The following APBA2 variants were observed in gnomAD, a reference collection of about 807,000 sequenced individuals.
The protein encoded by APBA2 is amyloid-beta A4 precursor protein-binding family A member 2.
A neutral mutation model predicts 75.0 loss-of-function variants in APBA2; 30 were observed. That is an observed-to-expected ratio of 0.40 (90% confidence interval 0.30 to 0.54). The LOEUF (loss-of-function observed/expected upper bound fraction) is 0.54. APBA2 is among the 20% of genes least tolerant of loss of function. The pLI is 0.49. For synonymous variants in APBA2, 444 were observed against 409.6 expected, an observed-to-expected ratio of 1.08 and a Z score of -1.01; for missense variants, 801 against 1,016.1, an observed-to-expected ratio of 0.79 and a Z score of 2.88.
At chr15:28,925,898 A>G (rs992711007) in intron 2 of APBA2, among the ~76,000 whole-genome samples, 1 of 152,138 alleles carries the variant, frequency 6.6e-6, no homozygotes, top group African/African-American at 2.4e-5. Flanking sequence ...CATCCTCTTA[A>G]AAATTGATTT....
chr15:29,117,493 A>C lies in APBA2; in HGVS notation c.*360A>C. The stretch of plus-strand genomic sequence containing the variant: ...CGGAGCGAACTGGCGCCTCCGAGGG[A>C]CGCGGCTCCCGGGGCAGGGCAGCCG... On this transcript the variant is annotated 3_prime_UTR_variant, in exon 15 of 15. Coordinates refer to ENST00000683413, the MANE Select transcript of APBA2 (RefSeq NM_001353788.2). 3.4e-6 allele frequency: 1 copy of C among 296,310 alleles called. No homozygotes were observed. The highest frequency in any genetic ancestry group is 8.6e-5 in the East Asian group (1 of 11,598). The allele number at this position is 296,310 out of a possible 1,614,324, so 18.4% of individuals were successfully genotyped here.
intron 3 of APBA2, among the ~76,000 whole-genome samples, chr15:28,998,162 C>T (rs79946598): frequency 0.06 from 8,946 of 150,250 alleles, 806 homozygotes; most frequent in African/African-American, 0.2. Flanking sequence ...CTTCCACTTA[C>T]AGGAAAAGTT....
rs1225065794 is a variant in APBA2, at chr15:29,046,333, C to T, written c.-40-7512C>T. Among the ~76,000 whole-genome samples the T allele has an allele frequency of 1.3e-5, 2 of 152,214 alleles. No homozygotes were observed. Among genetic ancestry groups the T allele is most frequent in the African/African-American group, 4.8e-5 (2 of 41,458 alleles). ...TTCTCACCTCCCCTTGGCCACACCC[C>T]ACTTTTGTGTCTTGGGAATTATCTG... On this transcript the variant is annotated intron_variant, in intron 3 of 14. Coordinates refer to ENST00000683413, the MANE Select transcript of APBA2 (RefSeq NM_001353788.2). This position sits in a 1 kb window ranked among gnomAD's most constrained non-coding sequence, Gnocchi z 5.0.
chr15:28,975,907 C>A (rs952692483), intron 2 of APBA2, among the ~76,000 whole-genome samples: 3 of 152,150 alleles, frequency 2.0e-5, no homozygotes, highest in Non-Finnish European at 4.4e-5. Context: ...ATTGCTCCAC[C>A]CCTGGAGGAA....
intron 3 of APBA2, among the ~76,000 whole-genome samples, chr15:29,038,535 G>T (rs1214502428): frequency 6.6e-6 from 1 of 152,112 alleles, no homozygotes; most frequent in Non-Finnish European, 1.5e-5. Context: ...CTGGTCCTGC[G>T]ATTAGAGCCC....
chr15:29,074,195 G>A lies in APBA2; in HGVS notation c.952-726G>A, dbSNP rs1031512040. Reference sequence around the variant, plus strand: ...ACTCAAGAGATATTTGCACACCCACGTTCATAGCAGCACCATTCACAATAG... The same window carrying A: ...ACTCAAGAGATATTTGCACACCCACATTCATAGCAGCACCATTCACAATAG... On this transcript the variant is annotated intron_variant, in intron 4 of 14. Coordinates refer to ENST00000683413, the MANE Select transcript of APBA2 (RefSeq NM_001353788.2). 5.3e-5 allele frequency among the ~76,000 whole-genome samples: 8 copies of A among 152,194 alleles called. No homozygotes were observed. The South Asian group carries it at 1.0e-3, about 20-fold the overall frequency.
chr15:29,114,922 AGTGT>A (rs201910996), intron 14 of APBA2, among the ~76,000 whole-genome samples: 1 of 148,630 alleles, frequency 6.7e-6, no homozygotes, highest in South Asian at 2.2e-4. Context: ...GTCAAGCATG[AGTGT>A]GTATGTGTGC....
chr15:28,997,276 C>T (rs1383734869), intron 3 of APBA2, among the ~76,000 whole-genome samples: 6 of 152,180 alleles, frequency 3.9e-5, no homozygotes, highest in African/African-American at 1.2e-4. Context: ...CAGGGTGAAA[C>T]GTAGAAGAGC....
At chr15:29,019,122 C>T (rs913635705) in intron 3 of APBA2, among the ~76,000 whole-genome samples, 3 of 152,160 alleles carry the variant, frequency 2.0e-5, no homozygotes, top group African/African-American at 7.2e-5. Flanking sequence ...AAGCAGAGGA[C>T]AGGTCATGCT....
chr15:28,984,611 GTC>G (rs1298352974), intron 2 of APBA2, among the ~76,000 whole-genome samples: 2 of 152,084 alleles, frequency 1.3e-5, no homozygotes, highest in East Asian at 3.9e-4. Context: ...GAGAGGCAGG[GTC>G]TCTCTGTCTC....
At chr15:29,081,946 C>T (rs537957104) in intron 6 of APBA2, among the ~76,000 whole-genome samples, 25 of 152,326 alleles carry the variant, frequency 1.6e-4, no homozygotes, top group Non-Finnish European at 2.4e-4. Flanking sequence ...CTGATAGACA[C>T]GGGCAGAATG....
At chr15:28,913,660 T>G (rs560890308) in intron 1 of APBA2, among the ~76,000 whole-genome samples, 1 of 152,306 alleles carries the variant, frequency 6.6e-6, no homozygotes, top group East Asian at 1.9e-4. Context: ...GGTGCTGGCT[T>G]AGGGGTTGGT....
chr15:29,089,584 C>T (rs2043456693), intron 6 of APBA2, among the ~76,000 whole-genome samples: 2 of 152,258 alleles, frequency 1.3e-5, no homozygotes, highest in African/African-American at 4.8e-5. Context: ...CACCCATGTT[C>T]AGGATAATTT....
intron 2 of APBA2, among the ~76,000 whole-genome samples, chr15:28,939,388 G>A (rs915620237): frequency 6.6e-6 from 1 of 152,052 alleles, no homozygotes; most frequent in East Asian, 1.9e-4. Flanking sequence ...TGGAATTACT[G>A]GACCATATGG....
chr15:28,896,599 G>C (rs1390242427), intron 1 of APBA2, among the ~76,000 whole-genome samples: 1 of 152,102 alleles, frequency 6.6e-6, no homozygotes, highest in Non-Finnish European at 1.5e-5. Flanking sequence ...TTGTGATGTA[G>C]AGAAACCAAA....
intron 3 of APBA2, among the ~76,000 whole-genome samples, chr15:29,019,520 C>T (rs181868413): frequency 9.9e-5 from 15 of 152,280 alleles, no homozygotes; most frequent in Admixed American, 8.5e-4. Flanking sequence ...CCTTCATTAT[C>T]TTATATAAGC....
intron 1 of APBA2, among the ~76,000 whole-genome samples, chr15:28,911,098 T>A (rs2033407704): frequency 6.6e-6 from 1 of 152,184 alleles, no homozygotes; most frequent in South Asian, 2.1e-4. Context: ...CATAAGAAGA[T>A]GTGATTTTAA....
chr15:29,042,521 G>C (rs1333154643), intron 3 of APBA2, among the ~76,000 whole-genome samples: 1 of 152,098 alleles, frequency 6.6e-6, no homozygotes, highest in Non-Finnish European at 1.5e-5. Flanking sequence ...GCCTCCCAAA[G>C]TGCTGGGATT....
chr15:29,043,412 C>T (rs372263764), intron 3 of APBA2, among the ~76,000 whole-genome samples: 1 of 152,196 alleles, frequency 6.6e-6, no homozygotes, highest in Non-Finnish European at 1.5e-5. Context: ...GAAATGTCAC[C>T]TGACAGGTAT....
Sources: allele counts gnomAD v4.1 joint callset (sites outside exome capture counted in the v4.1 genomes callset), GRCh38; gene constraint gnomAD v4.1.1; non-coding constraint Gnocchi (gnomAD v3.1); transcripts MANE v1.5; gene names NCBI Gene and HGNC (gene_info 2026-07-23, HGNC 2026-07-21).